The following SH3KBP1 variants were observed in gnomAD, a reference collection of about 807,000 sequenced individuals.
SH3KBP1 encodes SH3 domain-containing kinase-binding protein 1.
Under a neutral mutation model 50.1 loss-of-function variants are expected in SH3KBP1, and 8 were observed. That is an observed-to-expected ratio of 0.16 (90% CI 0.09 to 0.29). The LOEUF (loss-of-function observed/expected upper bound fraction) is 0.29. Among genes scored for constraint, SH3KBP1 ranks in the 10% least tolerant of loss-of-function variants. SH3KBP1 has a pLI of 1.00. For synonymous variants in SH3KBP1, 227 were observed against 218.6 expected, an observed-to-expected ratio of 1.04 and a Z score of -0.34; for missense variants, 377 against 535.2, an observed-to-expected ratio of 0.70 and a Z score of 2.92.
intron 7 of SH3KBP1, among the ~76,000 whole-genome samples, chrX:19,642,103 G>A (rs970564078): frequency 3.6e-5 from 4 of 111,982 alleles, no homozygotes; most frequent in Admixed American, 9.4e-5. Context: ...CGGCCCCCAC[G>A]AAGTGCTAGG....
chrX:19,583,125 C>CATTATTATTATTATT (rs200762944), intron 12 of SH3KBP1, among the ~76,000 whole-genome samples: 3 of 95,161 alleles, frequency 3.2e-5, no homozygotes, highest in Non-Finnish European at 4.2e-5. Flanking sequence ...TGCTAATACA[C>CATTATTATTATTATT]ATTATTATTA....
At chrX:19,588,225 C>T (rs1413668713) in intron 12 of SH3KBP1, 4 of 609,194 alleles carry the variant, frequency 6.6e-6, no homozygotes, top group Non-Finnish European at 9.3e-6. Flanking sequence ...CCCTGCAGAG[C>T]AGTGAGGGTC....
At chrX:19,870,470 G>A (rs1706115715) in intron 1 of SH3KBP1, among the ~76,000 whole-genome samples, 1 of 111,271 alleles carries the variant, frequency 9.0e-6, no homozygotes, top group Non-Finnish European at 1.9e-5. Context: ...AGTGTCCTGG[G>A]TGGCTAGGAC....
intron 6 of SH3KBP1, among the ~76,000 whole-genome samples, chrX:19,671,542 T>C (rs1602950953): frequency 8.9e-6 from 1 of 111,862 alleles, no homozygotes; most frequent in East Asian, 2.8e-4. Context: ...AATTTTGTTC[T>C]TTCCCCCAAA....
At chrX:19,584,266 T>C (rs1178835627) in intron 12 of SH3KBP1, among the ~76,000 whole-genome samples, 1 of 75,704 alleles carries the variant, frequency 1.3e-5, no homozygotes, top group Non-Finnish European at 2.2e-5. Flanking sequence ...ACAAAATACA[T>C]ATTTATATAT....
chrX:19,589,474 G>T lies in SH3KBP1; in HGVS notation c.1139-672C>A, dbSNP rs182776782. ...AGTTCTGGATTCTTCTTGCGCACAA[G>T]AAGTTTGAACTTGGAAGGCAAACTA... On this transcript the variant is annotated intron_variant, in intron 11 of 17. Transcript: ENST00000397821. Among the ~76,000 whole-genome samples the T allele has an allele frequency of 3.6e-5, 4 of 112,048 alleles. No individual in the cohort carries two copies. The East Asian group carries it at 1.1e-3, about 32-fold the overall frequency.
At chrX:19,875,862 C>G (rs1603291312) in intron 1 of SH3KBP1, among the ~76,000 whole-genome samples, 1 of 112,727 alleles carries the variant, frequency 8.9e-6, no homozygotes, top group South Asian at 3.6e-4. Flanking sequence ...GGGCAGCTGG[C>G]CCACACCTAG....
intron 9 of SH3KBP1, among the ~76,000 whole-genome samples, chrX:19,596,408 G>A (rs1223190842): frequency 8.9e-6 from 1 of 111,890 alleles, no homozygotes; most frequent in Non-Finnish European, 1.9e-5. Context: ...AGCCTTCAGC[G>A]AGTTGTAAAC....
chrX:19,647,845 T>C (rs141662307), intron 6 of SH3KBP1, among the ~76,000 whole-genome samples: 1,998 of 110,652 alleles, frequency 0.018, 63 homozygotes, highest in African/African-American at 0.062. Context: ...CACCCCAGGC[T>C]TTCTCAATCA....
intron 14 of SH3KBP1, among the ~76,000 whole-genome samples, chrX:19,546,744 C>A (rs2065094859): frequency 8.9e-6 from 1 of 111,888 alleles, no homozygotes; most frequent in Non-Finnish European, 1.9e-5. Flanking sequence ...AGTCAACATT[C>A]ATTTTGGAGT....
In SH3KBP1 at chrX:19,542,136, C is replaced by T. The variant is rs113170456; in HGVS notation, c.1681G>A (p.Gly561Ser). 4,113 of 1,197,835 alleles carry T rather than the reference C, an allele frequency of 3.4e-3. 9 individuals are homozygous for T. The highest frequency in any genetic ancestry group is 4.3e-3 in the Non-Finnish European group (3,848 of 888,099). The change falls in exon 16 of 18, where the codon GGT (glycine) becomes AGT (serine). Residue 561 changes from glycine (G) to serine (S), a missense_variant. By Grantham distance (56) the Gly-to-Ser change is moderately conservative (BLOSUM62 0). Transcript: ENST00000397821. ...PKPGTMAAGG[G>S]GPAPLSSAAP... Reference sequence around the variant, plus strand: ...GCTGAGGACAGAGGGGCTGGCCCACCGCCACCTGCTGCCATGGTCCCCGGC... The same window carrying T: ...GCTGAGGACAGAGGGGCTGGCCCACTGCCACCTGCTGCCATGGTCCCCGGC...
At chrX:19,791,043 T>A (rs1252270769) in intron 2 of SH3KBP1, among the ~76,000 whole-genome samples, 1 of 110,782 alleles carries the variant, frequency 9.0e-6, no homozygotes, top group Non-Finnish European at 1.9e-5. Context: ...TAAATACACA[T>A]CCCCCTGAGT....
chrX:19,631,050 G>C (rs902539463), intron 8 of SH3KBP1, among the ~76,000 whole-genome samples: 4 of 111,691 alleles, frequency 3.6e-5, no homozygotes, highest in Non-Finnish European at 5.6e-5. Flanking sequence ...AGGCAGCCAC[G>C]ATGATCTCCC....
intron 13 of SH3KBP1, among the ~76,000 whole-genome samples, chrX:19,554,355 T>TTATATATCATATTAAAATATAA (rs1256631666): frequency 5.8e-5 from 5 of 85,547 alleles, no homozygotes; most frequent in African/African-American, 1.6e-4. Context: ...TATTAATATA[T>TTATATATCATATTAAAATATAA]TATATATCAT....
intron 6 of SH3KBP1, among the ~76,000 whole-genome samples, chrX:19,659,904 G>A (rs1010642396): frequency 3.6e-5 from 4 of 112,643 alleles, no homozygotes; most frequent in South Asian, 3.6e-4. Context: ...ATAAATGCTG[G>A]AGGAGGAGGA....
intron 3 of SH3KBP1, among the ~76,000 whole-genome samples, chrX:19,713,358 G>A (rs1053462733): frequency 9.1e-6 from 1 of 109,943 alleles, no homozygotes; most frequent in Non-Finnish European, 1.9e-5. Context: ...GACCTCCCAG[G>A]CTCAAGTGAT....
intron 3 of SH3KBP1, among the ~76,000 whole-genome samples, chrX:19,738,264 C>G (rs900930497): frequency 1.8e-5 from 2 of 111,039 alleles, no homozygotes; most frequent in African/African-American, 6.6e-5. Context: ...TTTTCTCTCC[C>G]CGCTTGTCTG....
chrX:19,856,065 G>A (rs984775546), intron 1 of SH3KBP1, among the ~76,000 whole-genome samples: 9 of 110,230 alleles, frequency 8.2e-5, no homozygotes, highest in East Asian at 5.7e-4. Context: ...CTCCCCCATC[G>A]CATCATGGGA....
intron 1 of SH3KBP1, among the ~76,000 whole-genome samples, chrX:19,882,557 C>T (rs762664187): frequency 9.0e-6 from 1 of 111,645 alleles, no homozygotes; most frequent in Non-Finnish European, 1.9e-5. Flanking sequence ...AAGGGATTCC[C>T]TCCTACAGCC....
Sources: gnomAD v4.1 joint callset for allele counts (sites outside exome capture counted in the v4.1 genomes callset) on GRCh38, gnomAD v4.1.1 for gene constraint, MANE v1.5 for transcripts, NCBI Gene and HGNC (gene_info 2026-07-23, HGNC 2026-07-21) for gene names.